DTX4: variants seen among roughly 807,000 people sequenced by gnomAD.
The protein encoded by DTX4 is deltex E3 ubiquitin ligase 4.
DTX4 carries 28 observed loss-of-function variants against 57.6 expected under a neutral mutation model. The ratio of observed to expected loss-of-function variants is 0.49; its 90% confidence interval spans 0.36 to 0.67. The LOEUF is 0.67. DTX4 is among the 30% of genes least tolerant of loss of function. DTX4 has a pLI of 0.00. For missense variants in DTX4, 715 were observed against 836.8 expected (o/e 0.85, Z 1.80); for synonymous variants, 316 against 331.0 (o/e 0.95, Z 0.49).
At chr11:59,193,991 T>C (rs925971718) in intron 6 of DTX4, among the ~76,000 whole-genome samples, 1 of 152,154 alleles carries the variant, frequency 6.6e-6, no homozygotes, top group Non-Finnish European at 1.5e-5. Context: ...TTGCCCCTCC[T>C]TTTTGCGAGC....
At chr11:59,188,713 T>C (rs1279229926) in intron 2 of DTX4, 22 bp from the exon 3 acceptor site, 2 of 1,607,908 alleles carry the variant, frequency 1.2e-6, no homozygotes, top group African/African-American at 1.3e-5. Context: ...AATGACATTG[T>C]ATCTGCTCTT....
At chr11:59,191,348 T>A (rs1297340523) in intron 5 of DTX4, among the ~76,000 whole-genome samples, 173 bp downstream of exon 5, 1 of 152,222 alleles carries the variant, frequency 6.6e-6, no homozygotes, top group Non-Finnish European at 1.5e-5. Flanking sequence ...GAGCTGCAGC[T>A]GCACCTCAAT....
At position 59,186,966 on chromosome 11, in the gene DTX4, C is replaced by T. The variant is rs546939230; in HGVS notation, c.936-1769C>T. ...CATTCCCACATCTGTTCTTTCACATCCATCTCCCAGCATTGGTGCACATGT... is the reference window on the plus strand; with the variant it reads ...CATTCCCACATCTGTTCTTTCACATTCATCTCCCAGCATTGGTGCACATGT... On this transcript the variant is annotated intron_variant, in intron 2 of 8. Coordinates refer to ENST00000227451, the MANE Select transcript of DTX4 (RefSeq NM_015177.2). Among the ~76,000 whole-genome samples, 21 of 152,314 alleles carry T rather than the reference C, an allele frequency of 1.4e-4. No homozygotes were observed. The South Asian group carries it at 1.7e-3, about 12-fold the overall frequency.
chr11:59,199,598 A>G, intron 7 of DTX4, 86 bp from the exon 8 acceptor site: 3 of 1,009,740 alleles, frequency 3.0e-6, no homozygotes, highest in Non-Finnish European at 4.5e-6. Context: ...TATTGTCATT[A>G]TTATTGAAAT....
chr11:59,191,082 TTGG>T lies in DTX4; in HGVS notation c.1160-28_1160-26del, dbSNP rs1355982094. The stretch of plus-strand genomic sequence containing the variant: ...GGCTGTTTGATCTCTTACCTCTGCC[TTGG>T]TGGCCCACTGAACCTCCTGTCTCTG... On this transcript the variant is annotated intron_variant, in intron 4 of 8. Coordinates refer to ENST00000227451, the MANE Select transcript of DTX4 (RefSeq NM_015177.2). The T allele has an allele frequency of 2.6e-6, 4 of 1,557,300 alleles. No homozygotes were observed. In the South Asian group the frequency reaches 4.7e-5, roughly 18 times the overall value.
At position 59,205,084 on chromosome 11, in the gene DTX4, G is replaced by A; in HGVS notation, c.*175G>A. On this transcript the variant is annotated 3_prime_UTR_variant, in exon 9 of 9. Transcript: ENST00000227451. ...CACAGTGGGAGCCAGACTGAATATA[G>A]CGACATCATTCATAAATCTCATCCA... The A allele has an allele frequency of 1.7e-6, 1 of 602,694 alleles. No homozygotes were observed. 37.3% of individuals were successfully genotyped at this position (602,694 alleles called of 1,614,324 possible).
chr11:59,196,485 G>C (rs1389008008), intron 7 of DTX4, among the ~76,000 whole-genome samples: 1 of 152,254 alleles, frequency 6.6e-6, no homozygotes, highest in East Asian at 1.9e-4. Context: ...TAGACAAAGT[G>C]AGAACACAGG....
intron 2 of DTX4, 101 bp downstream of exon 2, chr11:59,182,563 C>T: frequency 7.1e-7 from 1 of 1,415,164 alleles, no homozygotes; most frequent in Non-Finnish European, 9.3e-7. Context: ...ACTTAAGCTT[C>T]TCATCTTGTG....
At chr11:59,180,610 A>G (rs1778594971) in intron 1 of DTX4, among the ~76,000 whole-genome samples, 1 of 152,168 alleles carries the variant, frequency 6.6e-6, no homozygotes, top group Non-Finnish European at 1.5e-5. Context: ...CAGAGATTCC[A>G]GCATCCCAGG....
intron 2 of DTX4, among the ~76,000 whole-genome samples, chr11:59,186,839 A>G (rs1238505794): frequency 2.0e-5 from 3 of 152,132 alleles, no homozygotes; most frequent in Admixed American, 6.5e-5. Flanking sequence ...CTTGTTTTGT[A>G]TTCAGCTTTC....
chr11:59,197,547 G>A (rs745380676), intron 7 of DTX4, among the ~76,000 whole-genome samples: 3 of 152,144 alleles, frequency 2.0e-5, no homozygotes, highest in Non-Finnish European at 4.4e-5. Context: ...TATTGGATGT[G>A]CAGTTAGGAA....
chr11:59,199,758 C>A lies in DTX4; in HGVS notation c.1611C>A (p.Ser537Arg). 1.3e-6 allele frequency: 2 copies of A among 1,564,210 alleles called. No homozygotes were observed. The highest frequency in any genetic ancestry group is 1.7e-6 in the Non-Finnish European group (2 of 1,154,030). The change falls in exon 8 of 9, where the codon AGC (serine) becomes AGA (arginine). Residue 537 changes from serine to arginine, a missense_variant. Transcript: ENST00000227451. ...CACGACACTGTTACCTTCCGGACAG[C>A]GAGAAAGGGAGAAAAGTAAGACCGG... ...GFPRHCYLPD[S>R]EKGRKVLKLL...
In DTX4 at chr11:59,172,718, G is replaced by C; in HGVS notation, c.123G>C (p.Gly41=). Residue 41 remains glycine (G), a synonymous_variant, in exon 1 of 9, where the codon GGG becomes GGC. Coordinates refer to ENST00000227451, the MANE Select transcript of DTX4 (RefSeq NM_015177.2). ...EAVVRAGPRA[G]GSVVLGQVDS... is the part of the protein sequence containing the mutation. ...TGGTCCGCGCCGGCCCCCGCGCGGG[G>C]GGCAGCGTGGTGCTGGGCCAGGTGG... 6.2e-7 allele frequency: 1 copy of C among 1,603,786 alleles called. No individual in the cohort carries two copies. Among genetic ancestry groups the C allele is most frequent in the Non-Finnish European group, 8.5e-7 (1 of 1,176,738 alleles).
chr11:59,207,765 T>G lies in DTX4; in HGVS notation c.*2856T>G, dbSNP rs1355876236. The G allele has an allele frequency of 6.6e-6, 1 of 152,662 alleles. No homozygotes were observed. The highest frequency in any genetic ancestry group is 2.4e-5 in the African/African-American group (1 of 41,460). The allele number at this position is 152,662 out of a possible 1,614,324, so 9.5% of individuals were successfully genotyped here. On this transcript the variant is annotated 3_prime_UTR_variant, in exon 9 of 9. Coordinates refer to ENST00000227451, the MANE Select transcript of DTX4 (RefSeq NM_015177.2). Reference sequence around the variant, plus strand: ...GAGTCTCCAGGGATGACAAATTGGATTGGAGACAAACCTCGTCAGATGCTC... The same window carrying G: ...GAGTCTCCAGGGATGACAAATTGGAGTGGAGACAAACCTCGTCAGATGCTC...
rs181159001 is a variant in DTX4 at position 59,197,757 on chromosome 11, G to C, written c.1537-1927G>C. Among the ~76,000 whole-genome samples the C allele has an allele frequency of 3.9e-5, 6 of 152,294 alleles. No homozygotes were observed. The East Asian group carries it at 1.2e-3, about 29-fold the overall frequency. ...TGGGGTCAGGTGAGACTTCTGGAGT[G>C]TCTCAGAGGCAATGAGTCAAGGTGA... On this transcript the variant is annotated intron_variant, in intron 7 of 8. Transcript: ENST00000227451.
chr11:59,201,793 C>T (rs943375362), intron 8 of DTX4, among the ~76,000 whole-genome samples: 1 of 152,212 alleles, frequency 6.6e-6, no homozygotes, highest in African/African-American at 2.4e-5. Flanking sequence ...GGCGAAATGC[C>T]TCCACTGTAA....
intron 7 of DTX4, among the ~76,000 whole-genome samples, chr11:59,197,265 A>G (rs59466005): frequency 0.092 from 14,036 of 152,182 alleles, 895 homozygotes; most frequent in East Asian, 0.28. Context: ...GAGACTTTCT[A>G]GTGCAGGGAA....
intron 8 of DTX4, among the ~76,000 whole-genome samples, chr11:59,200,317 A>G (rs987894514): frequency 3.3e-5 from 5 of 152,212 alleles, no homozygotes; most frequent in African/African-American, 1.2e-4. Flanking sequence ...CTACAATTCA[A>G]GATGAGGTTT....
At chr11:59,192,336 T>C in intron 6 of DTX4, 86 bp downstream of exon 6, 2 of 1,509,792 alleles carry the variant, frequency 1.3e-6, no homozygotes, top group Non-Finnish European at 1.8e-6. Context: ...GGGCCCTTGC[T>C]CAAGTGATCT....
Sources: gnomAD v4.1 joint callset for allele counts (sites outside exome capture counted in the v4.1 genomes callset) on GRCh38, gnomAD v4.1.1 for gene constraint, MANE v1.5 for transcripts, NCBI Gene and HGNC (gene_info 2026-07-23, HGNC 2026-07-21) for gene names.